The following PCDHA7 variants were observed in gnomAD, a reference collection of about 807,000 sequenced individuals.
PCDHA7 encodes protocadherin alpha-7.
In PCDHA7, 37 loss-of-function variants were observed where a neutral mutation model predicts 57.2. The observed-to-expected ratio is 0.65, with a 90% CI of 0.50 to 0.85. The LOEUF is 0.85. Ranked by LOEUF, PCDHA7 falls within the 40% of genes least tolerant of loss-of-function variation. PCDHA7 has a pLI of 0.00. For synonymous variants in PCDHA7, 553 were observed against 558.8 expected (o/e 0.99, Z 0.15); for missense variants, 1,188 against 1,241.8 (o/e 0.96, Z 0.65).
intron 1 of PCDHA7, chr5:140,848,033 C>T (rs1781291079): frequency 6.3e-6 from 1 of 158,434 alleles, no homozygotes; most frequent in Non-Finnish European, 1.4e-5. Flanking sequence ...CGTGATTGCT[C>T]AATGGAATCA....
chr5:140,892,417 G>A lies in PCDHA7; in HGVS notation c.2355+55679G>A, dbSNP rs78605430. 5.2e-3 allele frequency among the ~76,000 whole-genome samples: 785 copies of A among 152,216 alleles called. 8 individuals are homozygous for A. Among genetic ancestry groups the A allele is most frequent in the Non-Finnish European group, 8.7e-3 (594 of 68,002 alleles). ...TCTATTTCAAGCTTCAGGTATTCTA[G>A]ATAAAACCTCATTATCTAAAATTTA... On this transcript the variant is annotated intron_variant, in intron 1 of 3. Transcript: ENST00000525929.
intron 1 of PCDHA7, chr5:140,877,005 C>A (rs1433546348): frequency 6.2e-7 from 1 of 1,612,356 alleles, no homozygotes; most frequent in African/African-American, 1.3e-5. Flanking sequence ...TGTCGGTGCA[C>A]GCGGAGAGCG....
At chr5:140,960,179 G>A (rs1379423809) in intron 1 of PCDHA7, among the ~76,000 whole-genome samples, 1 of 152,106 alleles carries the variant, frequency 6.6e-6, no homozygotes, top group Non-Finnish European at 1.5e-5. Flanking sequence ...TAAGTTAGGG[G>A]TTGCATGTGT....
At chr5:140,954,807 T>TGAAAATGCTTTAGGCACTTTTGTC (rs2095090008) in intron 1 of PCDHA7, among the ~76,000 whole-genome samples, 1 of 152,248 alleles carries the variant, frequency 6.6e-6, no homozygotes, top group Admixed American at 6.5e-5. Flanking sequence ...TTGCTTTTGT[T>TGAAAATGCTTTAGGCACTTTTGTC]GAAATTGCTT....
intron 1 of PCDHA7, among the ~76,000 whole-genome samples, chr5:140,893,186 T>C (rs2063863300): frequency 6.6e-6 from 1 of 152,230 alleles, no homozygotes; most frequent in Admixed American, 6.5e-5. Context: ...GTAGCTATTG[T>C]GAATAGTGCT....
intron 1 of PCDHA7, chr5:140,968,899 A>G (rs782594245): frequency 6.2e-7 from 1 of 1,614,130 alleles, no homozygotes; most frequent in Non-Finnish European, 8.5e-7. Context: ...TAATAATAGC[A>G]TTAAGCACAG....
chr5:140,936,134 C>A (rs782197390), intron 1 of PCDHA7, among the ~76,000 whole-genome samples: 1 of 152,176 alleles, frequency 6.6e-6, no homozygotes, highest in Non-Finnish European at 1.5e-5. Context: ...CTTAAGTGAT[C>A]TGCCCGCCTT....
rs1351509805 is a variant in PCDHA7, at chr5:140,928,584, TG to T, written c.2356-50364del. The T allele has an allele frequency of 8.7e-6, 14 of 1,614,150 alleles. No homozygotes were observed. In the African/African-American group the frequency reaches 1.9e-4, roughly 22 times the overall value. On this transcript the variant is annotated intron_variant, in intron 1 of 3. Coordinates refer to ENST00000525929, the MANE Select transcript of PCDHA7 (RefSeq NM_018910.3). ...TGTTTCCCTTGCCCAGAAATGGTTCTGTCCCAGTGGAAATTGTGCCCCGCTC... is the reference window on the plus strand; with the variant it reads ...TGTTTCCCTTGCCCAGAAATGGTTCTTCCCAGTGGAAATTGTGCCCCGCTC...
intron 1 of PCDHA7, among the ~76,000 whole-genome samples, chr5:140,964,114 C>T (rs1227257943): frequency 6.6e-6 from 1 of 151,992 alleles, no homozygotes; most frequent in Non-Finnish European, 1.5e-5. Context: ...TGAGCAATCA[C>T]ATTCTAACAA....
intron 1 of PCDHA7, among the ~76,000 whole-genome samples, chr5:140,946,611 A>AAT (rs1554217734): frequency 0.018 from 1,579 of 86,716 alleles, 89 homozygotes; most frequent in African/African-American, 0.026. Flanking sequence ...GAAAATGTGA[A>AAT]ATATATATAT....
intron 1 of PCDHA7, chr5:140,869,097 G>T (rs1344358126): frequency 1.3e-6 from 2 of 1,595,318 alleles, no homozygotes; most frequent in Non-Finnish European, 1.7e-6. Flanking sequence ...AGCCAATTTC[G>T]TATGCGATGT....
chr5:140,966,541 G>A (rs2096018356), intron 1 of PCDHA7: 2 of 462,844 alleles, frequency 4.3e-6, no homozygotes, highest in Admixed American at 4.3e-5. Context: ...TGAGCGACTC[G>A]GAGGCGAGCG....
intron 1 of PCDHA7, among the ~76,000 whole-genome samples, chr5:140,941,602 A>G (rs1364169026): frequency 1.3e-5 from 2 of 151,994 alleles, no homozygotes; most frequent in African/African-American, 4.8e-5. Flanking sequence ...GCCATGAGCC[A>G]TGGTGCCCAG....
At chr5:140,855,950 C>T in intron 1 of PCDHA7, 1 of 1,363,920 alleles carries the variant, frequency 7.3e-7, no homozygotes, top group Non-Finnish European at 1.0e-6. Flanking sequence ...TCAGCCATTT[C>T]GATAAAAAAT....
chr5:140,966,374 C>G (rs2095995934), intron 1 of PCDHA7: 1 of 405,056 alleles, frequency 2.5e-6, no homozygotes, highest in South Asian at 1.3e-4. Flanking sequence ...GCTGAGCAGT[C>G]CGGGTTCGCT....
intron 1 of PCDHA7, chr5:140,927,559 G>C: frequency 6.2e-7 from 1 of 1,614,170 alleles, no homozygotes; most frequent in Non-Finnish European, 8.5e-7. Flanking sequence ...CACCATCATT[G>C]TGGTGGACAC....
chr5:140,954,488 T>C (rs1270188262), intron 1 of PCDHA7, among the ~76,000 whole-genome samples: 1 of 152,246 alleles, frequency 6.6e-6, no homozygotes, highest in Non-Finnish European at 1.5e-5. Flanking sequence ...AGATATTTCA[T>C]TGTGGTTTTG....
chr5:140,847,431 G>C (rs1781013253), intron 1 of PCDHA7: 1 of 149,628 alleles, frequency 6.7e-6, no homozygotes, highest in South Asian at 2.1e-4. Flanking sequence ...CTTTAGACTT[G>C]AGATACACTA....
intron 1 of PCDHA7, chr5:140,877,939 A>G (rs2057403639): frequency 7.2e-7 from 1 of 1,379,672 alleles, no homozygotes. Context: ...TCTATCCTTT[A>G]AACTATCGAA....
Sources: allele counts gnomAD v4.1 joint callset (sites outside exome capture counted in the v4.1 genomes callset), GRCh38; gene constraint gnomAD v4.1.1; transcripts MANE v1.5; gene names NCBI Gene and HGNC (gene_info 2026-07-23, HGNC 2026-07-21).